Variants in MTMR12 observed in about 807,000 individuals in gnomAD.
The protein encoded by MTMR12 is myotubularin-related protein 12.
A neutral mutation model predicts 96.7 loss-of-function variants in MTMR12; 33 were observed. The ratio of observed to expected loss-of-function variants is 0.34; its 90% CI spans 0.26 to 0.46. MTMR12 has a LOEUF of 0.46. Ranked by LOEUF, MTMR12 falls within the 20% of genes least tolerant of loss-of-function variation. The pLI is 1.00. For synonymous variants in MTMR12, 298 were observed against 327.2 expected, an observed-to-expected ratio of 0.91 and a Z score of 0.96; for missense variants, 721 against 896.1, an observed-to-expected ratio of 0.80 and a Z score of 2.49.
chr5:32,267,675 A>G (rs917260343), intron 6 of MTMR12, among the ~76,000 whole-genome samples: 1 of 152,308 alleles, frequency 6.6e-6, no homozygotes, highest in South Asian at 2.1e-4. Flanking sequence ...CTGGTTGTTT[A>G]AAAACTTTCT....
Position 32,239,172 on chromosome 5 carries a change from C to T in MTMR12, c.1173G>A (p.Glu391=), listed in dbSNP as rs1748358973. ...EAQNMNVLLL[E]ENASDLCCLI... ...GACAGCAGAGGTCGGATGCATTCTC[C>T]TCTAGGAGAGGCCCCAGCAGCAGTG... The change falls in exon 13 of 16, where the codon GAG becomes GAA. Residue 391 remains glutamate (E), a splice_region_variant and synonymous_variant. Coordinates refer to ENST00000382142, the MANE Select transcript of MTMR12 (RefSeq NM_001040446.3). 1.1e-5 allele frequency: 18 copies of T among 1,578,716 alleles called. No individual in the cohort carries two copies. Among genetic ancestry groups the T allele is most frequent in the Non-Finnish European group, 1.6e-5 (18 of 1,158,828 alleles).
chr5:32,255,657 C>T (rs374134247), intron 8 of MTMR12, 36 bp downstream of exon 8: 3 of 1,560,194 alleles, frequency 1.9e-6, no homozygotes, highest in Non-Finnish European at 2.6e-6. Flanking sequence ...GACCAATGCA[C>T]AACCCACACC....
In MTMR12 at chr5:32,230,012, TTCC is replaced by T; in HGVS notation, c.2007_2009del (p.Glu670del). On this transcript the variant is annotated inframe_deletion, in exon 16 of 16. Transcript: ENST00000382142. ...CGATCTTCTCTTGTAAACTCTGGAC[TTCC>T]TCCATCATTTCCAAGAGTTTGCTCA... 1.2e-6 allele frequency: 2 copies of T among 1,613,624 alleles called. No individual in the cohort carries two copies. Among genetic ancestry groups the T allele is most frequent in the Non-Finnish European group, 1.7e-6 (2 of 1,179,558 alleles).
intron 1 of MTMR12, among the ~76,000 whole-genome samples, chr5:32,299,381 T>C (rs1192463328): frequency 6.6e-6 from 1 of 152,104 alleles, no homozygotes; most frequent in East Asian, 1.9e-4. Context: ...AAAGTAAAGA[T>C]TGTTGTGCTG....
At chr5:32,241,126 A>G (rs1023583941) in intron 12 of MTMR12, among the ~76,000 whole-genome samples, 6 of 152,006 alleles carry the variant, frequency 3.9e-5, no homozygotes, top group Non-Finnish European at 8.8e-5. Context: ...CGTTTCTTAG[A>G]CCTCCAATCT....
At chr5:32,274,989 C>T (rs758638559) in intron 2 of MTMR12, among the ~76,000 whole-genome samples, 2 of 151,940 alleles carry the variant, frequency 1.3e-5, no homozygotes. Flanking sequence ...AAATGTTTTG[C>T]AACAACAACA....
At chr5:32,232,831 A>G in intron 15 of MTMR12, 1 of 471,960 alleles carries the variant, frequency 2.1e-6, no homozygotes, top group Non-Finnish European at 2.8e-6. Flanking sequence ...TGGCTCACCC[A>G]GGTCCCCAGT....
At chr5:32,305,859 C>A (rs1012824405) in intron 1 of MTMR12, among the ~76,000 whole-genome samples, 1 of 151,018 alleles carries the variant, frequency 6.6e-6, no homozygotes, top group East Asian at 1.9e-4. Context: ...GCCGAGATTG[C>A]GCCATTGCAC....
At chr5:32,272,009 G>A in intron 3 of MTMR12, 104 bp from the exon 4 acceptor site, 1 of 660,594 alleles carries the variant, frequency 1.5e-6, no homozygotes. Flanking sequence ...GAAAAATGGG[G>A]GGCCGGGTGC....
chr5:32,252,829 T>G (rs1474156507), intron 8 of MTMR12, among the ~76,000 whole-genome samples: 1 of 152,124 alleles, frequency 6.6e-6, no homozygotes, highest in African/African-American at 2.4e-5. Context: ...AGTTTGATGT[T>G]CTTATCTCTT....
intron 1 of MTMR12, among the ~76,000 whole-genome samples, chr5:32,285,584 TC>T: frequency 6.6e-6 from 1 of 152,164 alleles, no homozygotes. Flanking sequence ...CCGCAAGTTT[TC>T]CCCTACAGTT....
chr5:32,254,379 G>A (rs1749061585), intron 8 of MTMR12, among the ~76,000 whole-genome samples: 1 of 152,188 alleles, frequency 6.6e-6, no homozygotes, highest in Non-Finnish European at 1.5e-5. Flanking sequence ...CAACTGTACT[G>A]ATGCTCACTG....
chr5:32,262,515 C>T (rs896129489), intron 7 of MTMR12, among the ~76,000 whole-genome samples: 7 of 152,048 alleles, frequency 4.6e-5, no homozygotes, highest in Non-Finnish European at 2.9e-5. Context: ...GTGGGAGAAT[C>T]ACTTGAGCCG....
chr5:32,241,552 T>C (rs76010420), intron 12 of MTMR12, among the ~76,000 whole-genome samples: 2,344 of 152,346 alleles, frequency 0.015, 31 homozygotes, highest in Non-Finnish European at 0.024. Flanking sequence ...CTTCCTTGCA[T>C]GGTGGTTCAC....
intron 1 of MTMR12, among the ~76,000 whole-genome samples, chr5:32,305,312 C>T (rs1039734428): frequency 5.3e-5 from 8 of 152,146 alleles, no homozygotes; most frequent in African/African-American, 1.9e-4. Context: ...TGGTCTCAAA[C>T]TCCTGACCTT....
intron 1 of MTMR12, among the ~76,000 whole-genome samples, chr5:32,281,603 T>C (rs1750296502): frequency 6.6e-6 from 1 of 152,180 alleles, no homozygotes; most frequent in Admixed American, 6.5e-5. Flanking sequence ...AATGGCTTTC[T>C]TAAGAAACCA....
chr5:32,251,054 CTTT>C (rs1299015165), intron 8 of MTMR12, among the ~76,000 whole-genome samples: 4 of 131,020 alleles, frequency 3.1e-5, no homozygotes, highest in Non-Finnish European at 1.6e-5. Context: ...AGGTCCCTCT[CTTT>C]TTTTTTTTTT....
chr5:32,268,432 C>A (rs929184544), intron 6 of MTMR12, among the ~76,000 whole-genome samples: 1 of 151,238 alleles, frequency 6.6e-6, no homozygotes, highest in Non-Finnish European at 1.5e-5. Flanking sequence ...TGCTTGAACC[C>A]GGGAGGCGGA....
chr5:32,246,316 C>T (rs1482903192), intron 10 of MTMR12, among the ~76,000 whole-genome samples: 1 of 152,138 alleles, frequency 6.6e-6, no homozygotes, highest in Non-Finnish European at 1.5e-5. Flanking sequence ...GCACCCACCA[C>T]TACGTCCAGC....
Sources: gnomAD v4.1 joint callset for allele counts (sites outside exome capture counted in the v4.1 genomes callset) on GRCh38, gnomAD v4.1.1 for gene constraint, MANE v1.5 for transcripts, NCBI Gene and HGNC (gene_info 2026-07-23, HGNC 2026-07-21) for gene names.